The following MYOM1 variants were observed in gnomAD, a reference collection of about 807,000 sequenced individuals.
MYOM1 encodes myomesin-1.
MYOM1 carries 164 observed loss-of-function variants against 205.3 expected under a neutral mutation model. The ratio of observed to expected loss-of-function variants is 0.80; its 90% CI spans 0.70 to 0.91. The LOEUF is 0.91. MYOM1 is among the 40% of genes least tolerant of loss of function. The pLI is 0.00. For synonymous variants in MYOM1, 772 were observed against 789.4 expected, an observed-to-expected ratio of 0.98 and a Z score of 0.37; for missense variants, 2,011 against 2,127.3, an observed-to-expected ratio of 0.95 and a Z score of 1.08.
chr18:3,146,522 G>A (rs77535105), intron 13 of MYOM1, among the ~76,000 whole-genome samples: 2,162 of 152,068 alleles, frequency 0.014, 47 homozygotes, highest in African/African-American at 0.048. Flanking sequence ...AAAATCATAC[G>A]ATCGTCTCAA....
Position 3,192,500 on chromosome 18 carries a change from C to T in MYOM1, c.431+1318G>A, listed in dbSNP as rs575403117. ...TCAGAGGGCAATGGAAAGAAAAACA[C>T]AGGCAACAGAAGTAGGTCACCATCA... On this transcript the variant is annotated intron_variant, in intron 3 of 37. Coordinates refer to ENST00000356443, the MANE Select transcript of MYOM1 (RefSeq NM_003803.4). Among the ~76,000 whole-genome samples the T allele has an allele frequency of 3.9e-4, 60 of 152,342 alleles. No homozygotes were observed. The Middle Eastern group carries it at 0.01, about 26-fold the overall frequency.
chr18:3,187,379 G>T (rs918101530), intron 5 of MYOM1, 101 bp downstream of exon 5: 7 of 1,284,766 alleles, frequency 5.4e-6, no homozygotes, highest in South Asian at 1.5e-5. Context: ...TCTTGTAGAT[G>T]TCTTCATTGA....
chr18:3,198,858 C>A (rs1484732133), intron 2 of MYOM1, among the ~76,000 whole-genome samples: 1 of 151,886 alleles, frequency 6.6e-6, no homozygotes, highest in East Asian at 1.9e-4. Flanking sequence ...ACCCTGGTTT[C>A]ACATCAGAAT....
rs17183869 is a variant in MYOM1, at chr18:3,149,269, A to G, written c.1844-68T>C. ...TGCAATTTATCAGCTGCACTGATGA[A>G]TTGGGAAAGTGGCCAGATTAGTCAC... is the stretch of plus-strand genomic sequence containing the variant. On this transcript the variant is annotated intron_variant, in intron 12 of 37. Transcript: ENST00000356443. 2,803 of 1,363,036 alleles carry G rather than the reference A, an allele frequency of 2.1e-3. 76 individuals are homozygous for G. The East Asian group carries it at 0.059, about 29-fold the overall frequency. 84.4% of individuals were successfully genotyped at this position (1,363,036 alleles called of 1,614,324 possible). A position where few individuals can be genotyped will look rare whatever the true frequency, so the allele number is the denominator to read the frequency against.
chr18:3,191,638 T>C (rs1237985176), intron 3 of MYOM1, among the ~76,000 whole-genome samples: 1 of 152,086 alleles, frequency 6.6e-6, no homozygotes, highest in Non-Finnish European at 1.5e-5. Flanking sequence ...GATGACATCA[T>C]ATAAGATATA....
At position 3,102,646 on chromosome 18, in the gene MYOM1, G is replaced by A; in HGVS notation, c.3419-16C>T. 6.2e-7 allele frequency: 1 copy of A among 1,607,888 alleles called. No individual in the cohort carries two copies. The highest frequency in any genetic ancestry group is 8.5e-7 in the Non-Finnish European group (1 of 1,177,738). ...TCTTTGGTTCCTACAAGATCAAAAA[G>A]AAGGCACTGATACTTCGTGGAGGAA... On this transcript the variant is annotated splice_polypyrimidine_tract_variant and intron_variant, in intron 22 of 37. Transcript: ENST00000356443.
At chr18:3,227,397 T>C in the MYOM1 span, among the ~76,000 whole-genome samples, 1 of 152,108 alleles carries the variant, frequency 6.6e-6, no homozygotes, top group African/African-American at 2.4e-5. Context: ...ATTCCACTTA[T>C]ATGAGGTACC....
intron 3 of MYOM1, among the ~76,000 whole-genome samples, chr18:3,192,618 G>A (rs2080926592): frequency 2.0e-5 from 3 of 152,162 alleles, no homozygotes; most frequent in Admixed American, 2.0e-4. Context: ...TGTCACCTGA[G>A]CTATGGGAAT....
At chr18:3,067,702 T>A in intron 37 of MYOM1, 147 bp from the exon 38 acceptor site, 1 of 789,488 alleles carries the variant, frequency 1.3e-6, no homozygotes, top group Non-Finnish European at 2.0e-6. Context: ...GTTCTGTGTA[T>A]GCACCTGTGT....
chr18:3,071,808 C>A, intron 37 of MYOM1, 26 bp downstream of exon 37: 1 of 1,583,706 alleles, frequency 6.3e-7, no homozygotes, highest in South Asian at 1.2e-5. Context: ...GCAGAAGGAG[C>A]AGGCACAGGC....
At chr18:3,084,950 A>T in intron 31 of MYOM1, 95 bp downstream of exon 31, 1 of 954,560 alleles carries the variant, frequency 1.0e-6, no homozygotes, top group Non-Finnish European at 1.6e-6. Flanking sequence ...AAAAAAAATC[A>T]GCATGATTTC....
At position 3,129,531 on chromosome 18, in the gene MYOM1, A is replaced by T; in HGVS notation, c.2507-12T>A. 1 of 1,598,616 alleles carries T rather than the reference A, an allele frequency of 6.3e-7. No homozygotes were observed. Among genetic ancestry groups the T allele is most frequent in the Non-Finnish European group, 8.5e-7 (1 of 1,171,402 alleles). On this transcript the variant is annotated splice_polypyrimidine_tract_variant and intron_variant, in intron 17 of 37. Transcript: ENST00000356443. The stretch of plus-strand genomic sequence containing the variant: ...AGACACTCCTCCCCCTACAGTTGCC[A>T]GACAACAACAGAAACGCATTGAGCC...
chr18:3,149,113 G>T, intron 13 of MYOM1, 32 bp downstream of exon 13: 1 of 1,600,500 alleles, frequency 6.2e-7, no homozygotes, highest in Non-Finnish European at 8.6e-7. Flanking sequence ...CAAAACATCA[G>T]CAATAGTATC....
chr18:3,233,447 G>T, the MYOM1 span, among the ~76,000 whole-genome samples: 1 of 152,118 alleles, frequency 6.6e-6, no homozygotes, highest in African/African-American at 2.4e-5. Flanking sequence ...CCCCTTACCC[G>T]CTTACTATCA....
chr18:3,069,691 C>T (rs910463994), intron 37 of MYOM1, among the ~76,000 whole-genome samples: 1 of 151,244 alleles, frequency 6.6e-6, no homozygotes, highest in South Asian at 2.1e-4. Flanking sequence ...CCAAACACCC[C>T]CTGACAGTCT....
intron 2 of MYOM1, among the ~76,000 whole-genome samples, chr18:3,213,360 CA>C (rs1401738339): frequency 4.6e-5 from 7 of 152,162 alleles, no homozygotes; most frequent in Non-Finnish European, 1.0e-4. Flanking sequence ...AAAGAGGCAG[CA>C]GGTGGTTATC....
intron 13 of MYOM1, among the ~76,000 whole-genome samples, chr18:3,144,499 T>C (rs1372428328): frequency 6.6e-6 from 1 of 152,200 alleles, no homozygotes; most frequent in Non-Finnish European, 1.5e-5. Flanking sequence ...AGATGAAATG[T>C]AAATGGTTAA....
chr18:3,168,064 G>A (rs1422420206), intron 9 of MYOM1, among the ~76,000 whole-genome samples: 1 of 152,170 alleles, frequency 6.6e-6, no homozygotes, highest in Non-Finnish European at 1.5e-5. Flanking sequence ...TATATTGCAT[G>A]CAGAATACAC....
At chr18:3,104,167 G>A (rs947789050) in intron 22 of MYOM1, among the ~76,000 whole-genome samples, 2 of 152,086 alleles carry the variant, frequency 1.3e-5, no homozygotes, top group Non-Finnish European at 2.9e-5. Context: ...TATAATAAAT[G>A]TTGAACAAAT....
Sources: gnomAD v4.1 joint callset for allele counts (sites outside exome capture counted in the v4.1 genomes callset) on GRCh38, gnomAD v4.1.1 for gene constraint, MANE v1.5 for transcripts, NCBI Gene and HGNC (gene_info 2026-07-23, HGNC 2026-07-21) for gene names.